The following KIF16B variants were observed in gnomAD, a reference collection of about 807,000 sequenced individuals.
KIF16B encodes kinesin-like protein KIF16B.
A neutral mutation model predicts 156.3 loss-of-function variants in KIF16B; 98 were observed. The observed-to-expected ratio is 0.63, with a 90% CI of 0.53 to 0.74. The LOEUF (loss-of-function observed/expected upper bound fraction) is 0.74, where lower values mean the gene tolerates loss of function less well. KIF16B is among the 30% of genes least tolerant of loss of function. The pLI, the probability that KIF16B is intolerant of heterozygous loss-of-function variation, is 0.00. For synonymous variants in KIF16B, 564 were observed against 583.7 expected (o/e 0.97, Z 0.49); for missense variants, 1,421 against 1,606.5 (o/e 0.88, Z 1.97).
At chr20:16,279,799 A>T (rs1327827801) in intron 25 of KIF16B, among the ~76,000 whole-genome samples, 4 of 152,228 alleles carry the variant, frequency 2.6e-5, no homozygotes, top group African/African-American at 7.2e-5. Flanking sequence ...TTCAAAAGAC[A>T]ACTACTAAAC....
At chr20:16,469,461 T>A (rs1465763330) in intron 12 of KIF16B, among the ~76,000 whole-genome samples, 3 of 150,418 alleles carry the variant, frequency 2.0e-5, no homozygotes, top group Non-Finnish European at 3.0e-5. Flanking sequence ...ACAACACTTA[T>A]CAAAATTTGC....
chr20:16,420,788 A>C (rs1253061368), intron 15 of KIF16B, among the ~76,000 whole-genome samples: 2 of 152,080 alleles, frequency 1.3e-5, no homozygotes, highest in Non-Finnish European at 2.9e-5. Flanking sequence ...ATGAGTCAGG[A>C]AGGGTCCTAG....
chr20:16,396,435 GA>G (rs964944074), intron 17 of KIF16B, among the ~76,000 whole-genome samples: 1 of 151,688 alleles, frequency 6.6e-6, no homozygotes, highest in Non-Finnish European at 1.5e-5. Context: ...ATTTATGAAA[GA>G]AAAAATAATA....
rs542450167 is a variant in KIF16B, at chr20:16,434,726, T to A, written c.1303-4744A>T. ...GGTTCTATAGGGAGTGATTTCTAAG[T>A]GGCACTTTTTTTTTCTGAACAGACA... On this transcript the variant is annotated intron_variant, in intron 12 of 25. Coordinates refer to ENST00000354981, the MANE Select transcript of KIF16B (RefSeq NM_024704.5). Among the ~76,000 whole-genome samples the A allele has an allele frequency of 3.4e-5, 5 of 148,036 alleles. No homozygotes were observed. In the South Asian group the frequency reaches 1.1e-3, roughly 31 times the overall value.
At chr20:16,377,338 C>A (rs552303052) in intron 19 of KIF16B, among the ~76,000 whole-genome samples, 162 of 152,054 alleles carry the variant, frequency 1.1e-3, no homozygotes, top group Non-Finnish European at 1.8e-3. Context: ...GGTGGGAGAA[C>A]TGCTTGAACC....
At chr20:16,369,086 G>T in intron 22 of KIF16B, 3 of 985,828 alleles carry the variant, frequency 3.0e-6, no homozygotes, top group Non-Finnish European at 3.6e-6. Flanking sequence ...CTCTGCTGGT[G>T]AGTTCTCTCT....
At chr20:16,301,908 T>C (rs988724941) in intron 25 of KIF16B, among the ~76,000 whole-genome samples, 2 of 152,116 alleles carry the variant, frequency 1.3e-5, no homozygotes, top group Non-Finnish European at 2.9e-5. Flanking sequence ...CCTCGGCCTC[T>C]CAAAGTGTTG....
At chr20:16,335,684 A>G (rs2064023078) in intron 24 of KIF16B, among the ~76,000 whole-genome samples, 1 of 152,240 alleles carries the variant, frequency 6.6e-6, no homozygotes, top group Admixed American at 6.5e-5. Flanking sequence ...TGTCATTGTA[A>G]TATCACTTTC....
intron 25 of KIF16B, among the ~76,000 whole-genome samples, chr20:16,277,459 T>TTATATATATATATATA (rs60624017): frequency 6.9e-6 from 1 of 143,908 alleles, no homozygotes; most frequent in Non-Finnish European, 1.5e-5. Context: ...TATGTACATA[T>TTATATATATATATATA]TATATATATA....
At chr20:16,291,384 G>T (rs1474991270) in intron 25 of KIF16B, among the ~76,000 whole-genome samples, 1 of 152,242 alleles carries the variant, frequency 6.6e-6, no homozygotes, top group Non-Finnish European at 1.5e-5. Flanking sequence ...TGATTAGGCA[G>T]CTGATTAAAC....
At chr20:16,422,317 C>G (rs994723308) in intron 15 of KIF16B, among the ~76,000 whole-genome samples, 3 of 152,068 alleles carry the variant, frequency 2.0e-5, no homozygotes. Flanking sequence ...TTCCTTTTGT[C>G]TTTTTGGTGT....
chr20:16,567,654 A>G lies in KIF16B; in HGVS notation c.47+5575T>C, dbSNP rs550367469. 1.5e-4 allele frequency among the ~76,000 whole-genome samples: 23 copies of G among 152,282 alleles called. No individual in the cohort carries two copies. In the South Asian group the frequency reaches 3.5e-3, roughly 23 times the overall value. On this transcript the variant is annotated intron_variant, in intron 1 of 25. Transcript: ENST00000354981. Reference sequence around the variant, plus strand: ...GGTGAGAGGAGGAAATGCAATTGCCAAGGTAAAGAAATAAGCATAGGGCTG... The same window carrying G: ...GGTGAGAGGAGGAAATGCAATTGCCGAGGTAAAGAAATAAGCATAGGGCTG...
At chr20:16,287,575 T>C (rs2063242833) in intron 25 of KIF16B, among the ~76,000 whole-genome samples, 1 of 152,236 alleles carries the variant, frequency 6.6e-6, no homozygotes, top group Non-Finnish European at 1.5e-5. Context: ...ATAAATTTAA[T>C]ATACTCAGTC....
intron 5 of KIF16B, 37 bp from the exon 6 acceptor site, chr20:16,511,564 AT>A (rs762098291): frequency 7.5e-7 from 1 of 1,338,812 alleles, no homozygotes; most frequent in East Asian, 2.3e-5. Flanking sequence ...CAGAAAAATG[AT>A]TTCAGACATT....
chr20:16,458,351 G>C (rs377531066), intron 12 of KIF16B, among the ~76,000 whole-genome samples: 1 of 152,246 alleles, frequency 6.6e-6, no homozygotes, highest in African/African-American at 2.4e-5. Flanking sequence ...ACTTGCCTTT[G>C]TCACCTAGGC....
At chr20:16,520,773 G>A (rs895977063) in intron 3 of KIF16B, among the ~76,000 whole-genome samples, 14 of 152,114 alleles carry the variant, frequency 9.2e-5, no homozygotes, top group African/African-American at 2.4e-4. Context: ...CACCTCATAC[G>A]GGAGAGCTCC....
intron 3 of KIF16B, among the ~76,000 whole-genome samples, chr20:16,519,953 T>A (rs62199809): frequency 0.011 from 1,654 of 152,084 alleles, 14 homozygotes; most frequent in Middle Eastern, 0.061. Context: ...AGGGAAGCCA[T>A]GAGGGACTGT....
At chr20:16,406,924 G>C (rs1040625830) in intron 15 of KIF16B, among the ~76,000 whole-genome samples, 3 of 152,128 alleles carry the variant, frequency 2.0e-5, no homozygotes, top group African/African-American at 7.2e-5. Flanking sequence ...CATAATATAG[G>C]TAACTATTAC....
chr20:16,475,317 C>T (rs2067778905), intron 12 of KIF16B, among the ~76,000 whole-genome samples: 1 of 148,908 alleles, frequency 6.7e-6, no homozygotes, highest in South Asian at 2.2e-4. Flanking sequence ...CCCCATTTTA[C>T]CCATCAGGAA....
Sources: allele counts gnomAD v4.1 joint callset (sites outside exome capture counted in the v4.1 genomes callset), GRCh38; gene constraint gnomAD v4.1.1; transcripts MANE v1.5; gene names NCBI Gene and HGNC (gene_info 2026-07-23, HGNC 2026-07-21).